SLC22A4: variants seen among roughly 807,000 people sequenced by gnomAD.
SLC22A4 encodes ET transporter.
A neutral mutation model predicts 56.6 loss-of-function variants in SLC22A4; 39 were observed. The observed-to-expected ratio is 0.69, with a 90% CI of 0.53 to 0.90. The LOEUF (loss-of-function observed/expected upper bound fraction) is 0.90. Among genes scored for constraint, SLC22A4 ranks in the 40% least tolerant of loss-of-function variants. The probability of loss-of-function intolerance (pLI) is 0.00; values close to 1 mark genes in which losing one functional copy is unlikely to be tolerated. For missense variants in SLC22A4, 594 were observed against 696.5 expected (o/e 0.85, Z 1.66); for synonymous variants, 241 against 281.4 (o/e 0.86, Z 1.44).
chr5:132,309,127 T>C (rs1045376650), intron 1 of SLC22A4, among the ~76,000 whole-genome samples: 2 of 152,188 alleles, frequency 1.3e-5, no homozygotes, highest in African/African-American at 4.8e-5. Context: ...CAGGGCCGGT[T>C]TCCTAAGAAA....
chr5:132,332,312 TAAA>T, intron 6 of SLC22A4: 1 of 166,796 alleles, frequency 6.0e-6, no homozygotes, highest in Non-Finnish European at 1.3e-5. Flanking sequence ...AGACTCCATC[TAAA>T]AAAAAAAAAG....
chr5:132,302,529 G>T (rs779444146), intron 1 of SLC22A4, among the ~76,000 whole-genome samples: 3 of 152,182 alleles, frequency 2.0e-5, no homozygotes, highest in Non-Finnish European at 2.9e-5. Context: ...GAGAATGGAC[G>T]TTCTGGGGAA....
chr5:132,332,875 G>T (rs2126735161), intron 6 of SLC22A4, among the ~76,000 whole-genome samples: 1 of 152,202 alleles, frequency 6.6e-6, no homozygotes, highest in South Asian at 2.1e-4. Flanking sequence ...TTATGCGTCT[G>T]AATTAAGCAA....
rs143426016 is a variant in SLC22A4 at position 132,344,054 on chromosome 5, A to C, written c.*219A>C. On this transcript the variant is annotated 3_prime_UTR_variant, in exon 10 of 10. Transcript: ENST00000200652. ...TTCTAGAGAGTCTCCTTACTCATTA[A>C]TTCAATGAAATGGATTGGTAAGATG... The C allele has an allele frequency of 1.2e-4, 60 of 506,932 alleles. No homozygotes were observed. The highest frequency in any genetic ancestry group is 1.1e-3 in the African/African-American group (55 of 52,042). 31.4% of individuals were successfully genotyped at this position (506,932 alleles called of 1,614,324 possible).
intron 4 of SLC22A4, among the ~76,000 whole-genome samples, chr5:132,324,169 A>C (rs928742804): frequency 6.6e-6 from 1 of 152,132 alleles, no homozygotes; most frequent in Admixed American, 6.5e-5. Context: ...ACTCCAGCCC[A>C]GATAGAATGA....
chr5:132,329,667 A>G (rs1750800741), intron 5 of SLC22A4, among the ~76,000 whole-genome samples: 1 of 152,148 alleles, frequency 6.6e-6, no homozygotes, highest in Admixed American at 6.5e-5. Flanking sequence ...TATAGAGTAG[A>G]GTATTGTCTT....
At chr5:132,301,994 C>T (rs753719585) in intron 1 of SLC22A4, among the ~76,000 whole-genome samples, 134 of 152,334 alleles carry the variant, frequency 8.8e-4, no homozygotes, top group African/African-American at 2.9e-3. Context: ...GCCAGCCCGG[C>T]GAGACTTCTA....
At chr5:132,317,533 C>T (rs528783333) in intron 3 of SLC22A4, among the ~76,000 whole-genome samples, 4 of 152,338 alleles carry the variant, frequency 2.6e-5, no homozygotes, top group East Asian at 1.9e-4. Context: ...CAACACATTT[C>T]GGTCATCCAT....
intron 1 of SLC22A4, among the ~76,000 whole-genome samples, chr5:132,310,113 C>T (rs959177564): frequency 1.3e-5 from 2 of 152,186 alleles, no homozygotes; most frequent in African/African-American, 4.8e-5. Context: ...TGTAGGGCAT[C>T]ATATTTAATA....
intron 9 of SLC22A4, among the ~76,000 whole-genome samples, 166 bp from the exon 10 acceptor site, chr5:132,343,594 T>A (rs545455605): frequency 9.5e-6 from 1 of 105,456 alleles, no homozygotes; most frequent in African/African-American, 3.6e-5. Context: ...CCTCAGATGT[T>A]TAAAAGCATA....
At position 132,328,221 on chromosome 5, in the gene SLC22A4, G is replaced by C. The variant is rs189893096; in HGVS notation, c.951+818G>C. 8.5e-5 allele frequency among the ~76,000 whole-genome samples: 13 copies of C among 152,320 alleles called. No individual in the cohort carries two copies. The East Asian group carries it at 9.6e-4, about 11-fold the overall frequency. On this transcript the variant is annotated intron_variant, in intron 5 of 9. Coordinates refer to ENST00000200652, the MANE Select transcript of SLC22A4 (RefSeq NM_003059.3). ...GGAGGACAGCAGGACTCACTTAAAT[G>C]AGTGGAGAGGATGGGGCAGGGCATT... is the stretch of plus-strand genomic sequence containing the variant.
intron 3 of SLC22A4, among the ~76,000 whole-genome samples, chr5:132,314,451 C>A (rs1243221783): frequency 1.3e-5 from 2 of 152,184 alleles, no homozygotes; most frequent in African/African-American, 4.8e-5. Flanking sequence ...GGGTCATCCA[C>A]AGGAGTGAGA....
At chr5:132,302,824 A>G (rs1339906952) in intron 1 of SLC22A4, among the ~76,000 whole-genome samples, 2 of 151,962 alleles carry the variant, frequency 1.3e-5, no homozygotes, top group Admixed American at 6.6e-5. Flanking sequence ...CTATCTTCCC[A>G]CTCACACTCA....
chr5:132,299,745 C>T (rs1002185202), intron 1 of SLC22A4, among the ~76,000 whole-genome samples: 4 of 152,178 alleles, frequency 2.6e-5, no homozygotes, highest in East Asian at 1.9e-4. Context: ...TGAGCCACCG[C>T]GCCTGGCGAT....
At chr5:132,334,468 A>C (rs1750959520) in intron 6 of SLC22A4, among the ~76,000 whole-genome samples, 1 of 152,242 alleles carries the variant, frequency 6.6e-6, no homozygotes, top group African/African-American at 2.4e-5. Context: ...AGTGACGGAA[A>C]TGTTTCATAT....
rs180699078 is a variant in SLC22A4 at position 132,342,433 on chromosome 5, C to T, written c.1581-1327C>T. 7.9e-5 allele frequency among the ~76,000 whole-genome samples: 12 copies of T among 152,224 alleles called. No individual in the cohort carries two copies. The East Asian group carries it at 1.4e-3, about 17-fold the overall frequency. On this transcript the variant is annotated intron_variant, in intron 9 of 9. Coordinates refer to ENST00000200652, the MANE Select transcript of SLC22A4 (RefSeq NM_003059.3). ...CATCTTTTTTTGGCTTATGAGATTG[C>T]GCAAGGGTTTTTCTTCTTGACGCAA...
intron 1 of SLC22A4, among the ~76,000 whole-genome samples, chr5:132,304,041 G>C (rs569011294): frequency 6.6e-6 from 1 of 152,302 alleles, no homozygotes; most frequent in South Asian, 2.1e-4. Context: ...AACTCCATTA[G>C]AGCAACAAAT....
At chr5:132,308,643 A>G (rs559362967) in intron 1 of SLC22A4, among the ~76,000 whole-genome samples, 3 of 152,036 alleles carry the variant, frequency 2.0e-5, no homozygotes, top group Non-Finnish European at 2.9e-5. Context: ...GTGACCTCCT[A>G]TCCCCTATTA....
chr5:132,323,217 A>G (rs915027924), intron 4 of SLC22A4, among the ~76,000 whole-genome samples: 1 of 152,244 alleles, frequency 6.6e-6, no homozygotes, highest in Non-Finnish European at 1.5e-5. Flanking sequence ...ACCGAACTGC[A>G]TAACTTCTAC....
Sources: allele counts gnomAD v4.1 joint callset (sites outside exome capture counted in the v4.1 genomes callset), GRCh38; gene constraint gnomAD v4.1.1; transcripts MANE v1.5; gene names NCBI Gene and HGNC (gene_info 2026-07-23, HGNC 2026-07-21).